CLIP4: variants seen among roughly 807,000 people sequenced by gnomAD.
CLIP4 encodes the protein CAP-Gly domain containing linker protein family member 4.
A neutral mutation model predicts 73.1 loss-of-function variants in CLIP4; 47 were observed. The ratio of observed to expected loss-of-function variants is 0.64; its 90% CI spans 0.51 to 0.82. The LOEUF (loss-of-function observed/expected upper bound fraction) is 0.82. CLIP4 is among the 40% of genes least tolerant of loss of function. CLIP4 has a pLI of 0.00. For missense variants in CLIP4, 874 were observed against 852.9 expected (o/e 1.02, Z -0.31); for synonymous variants, 306 against 295.4 (o/e 1.04, Z -0.37).
chr2:29,163,694 C>G, intron 12 of CLIP4, 137 bp from the exon 13 acceptor site: 2 of 740,788 alleles, frequency 2.7e-6, no homozygotes, highest in South Asian at 3.4e-5. Flanking sequence ...AATTTGAAAT[C>G]TTAATGAGTA....
intron 8 of CLIP4, among the ~76,000 whole-genome samples, chr2:29,148,262 G>C (rs996158307): frequency 6.6e-6 from 1 of 152,196 alleles, no homozygotes; most frequent in South Asian, 2.1e-4. Context: ...CAGAAGCCAA[G>C]GAATTTCTCA....
upstream of CLIP4, among the ~76,000 whole-genome samples, chr2:29,111,274 T>G (rs1195224289): frequency 6.6e-6 from 1 of 152,212 alleles, no homozygotes; most frequent in Non-Finnish European, 1.5e-5. Flanking sequence ...TGCTGGTGGG[T>G]GAAGCAGTGG....
chr2:29,148,096 G>T (rs6547912), intron 8 of CLIP4, among the ~76,000 whole-genome samples: 1 of 151,798 alleles, frequency 6.6e-6, no homozygotes, highest in Non-Finnish European at 1.5e-5. Context: ...GGATACCCCC[G>T]TCCCCTTGTA....
intron 13 of CLIP4, among the ~76,000 whole-genome samples, chr2:29,164,941 T>TGAAA (rs1667509998): frequency 6.6e-6 from 1 of 152,258 alleles, no homozygotes; most frequent in Admixed American, 6.5e-5. Flanking sequence ...TTAAGTGTTG[T>TGAAA]TTCATTTGAT....
intron 14 of CLIP4, among the ~76,000 whole-genome samples, chr2:29,173,277 G>A (rs939027597): frequency 6.6e-6 from 1 of 152,218 alleles, no homozygotes; most frequent in Non-Finnish European, 1.5e-5. Flanking sequence ...ATTCTGAGGG[G>A]AGAAAATTTT....
intron 14 of CLIP4, among the ~76,000 whole-genome samples, chr2:29,168,512 CTTTTTTTTTTTTTTTTTT>C (rs35201336): frequency 1.5e-5 from 1 of 66,776 alleles, no homozygotes; most frequent in Admixed American, 1.7e-4. Context: ...ATGGTTTGCC[CTTTTTTTTTTTTTTTTTT>C]TTTTTTTTTT....
chr2:29,142,916 C>T (rs563762064), intron 6 of CLIP4, among the ~76,000 whole-genome samples: 89 of 152,224 alleles, frequency 5.8e-4, no homozygotes, highest in Non-Finnish European at 1.1e-3. Flanking sequence ...TGCAAATGAC[C>T]GTGGGGTTGT....
intron 2 of CLIP4, among the ~76,000 whole-genome samples, chr2:29,129,860 A>G (rs964759901): frequency 5.3e-5 from 8 of 151,960 alleles, no homozygotes; most frequent in Admixed American, 1.3e-4. Context: ...AAGTTCACCT[A>G]TTTTTTCTTG....
At chr2:29,163,212 A>G (rs1667400299) in intron 12 of CLIP4, among the ~76,000 whole-genome samples, 1 of 152,122 alleles carries the variant, frequency 6.6e-6, no homozygotes, top group African/African-American at 2.4e-5. Context: ...AAATACAAAA[A>G]GTCTTTAAAA....
At chr2:29,102,150 A>G (rs1018217080) in intron 1 of CLIP4, among the ~76,000 whole-genome samples, 1 of 152,106 alleles carries the variant, frequency 6.6e-6, no homozygotes, top group Non-Finnish European at 1.5e-5. Flanking sequence ...CAATGAGGGA[A>G]CTGAATGAAC....
At chr2:29,177,102 G>A (rs1301521891) in intron 15 of CLIP4, among the ~76,000 whole-genome samples, 1 of 152,084 alleles carries the variant, frequency 6.6e-6, no homozygotes, top group East Asian at 1.9e-4. Flanking sequence ...TGCTTTTCAG[G>A]AGTATAAAAA....
upstream of CLIP4, among the ~76,000 whole-genome samples, chr2:29,110,494 G>A (rs551230356): frequency 6.6e-5 from 10 of 152,302 alleles, no homozygotes; most frequent in East Asian, 1.5e-3. Flanking sequence ...ACTCCAGTGA[G>A]CAAAAAGAAG....
intron 9 of CLIP4, among the ~76,000 whole-genome samples, chr2:29,155,287 A>T (rs1666845680): frequency 6.6e-6 from 1 of 152,112 alleles, no homozygotes; most frequent in Non-Finnish European, 1.5e-5. Flanking sequence ...ACAGAACAAG[A>T]CCCTGTTTCT....
chr2:29,180,380 A>G (rs1427917076), intron 15 of CLIP4, among the ~76,000 whole-genome samples: 2 of 152,286 alleles, frequency 1.3e-5, no homozygotes, highest in East Asian at 1.9e-4. Context: ...GGGGAGTCCC[A>G]TGCCTCATTA....
At chr2:29,180,629 A>G (rs1668592436) in intron 15 of CLIP4, among the ~76,000 whole-genome samples, 1 of 152,202 alleles carries the variant, frequency 6.6e-6, no homozygotes, top group South Asian at 2.1e-4. Context: ...TTTGCATATG[A>G]AAAAATATTT....
At chr2:29,173,307 G>C (rs898205353) in intron 14 of CLIP4, among the ~76,000 whole-genome samples, 1 of 152,208 alleles carries the variant, frequency 6.6e-6, no homozygotes, top group African/African-American at 2.4e-5. Context: ...TGAGGATTAA[G>C]GTTGACATAA....
chr2:29,182,643 C>T lies in CLIP4; in HGVS notation c.*750C>T, dbSNP rs1668699050. The T allele has an allele frequency of 1.3e-5, 2 of 152,584 alleles. No homozygotes were observed. Among genetic ancestry groups the T allele is most frequent in the Non-Finnish European group, 1.5e-5 (1 of 68,036 alleles). 9.5% of individuals were successfully genotyped at this position (152,584 alleles called of 1,614,324 possible). On this transcript the variant is annotated 3_prime_UTR_variant, in exon 16 of 16. Coordinates refer to ENST00000320081, the MANE Select transcript of CLIP4 (RefSeq NM_024692.6). ...AAATGTCTAATCTCAGATTTTTCTT[C>T]TGCTGCTTGACTGCTTCATCTGGAT... is the stretch of plus-strand genomic sequence containing the variant.
Position 29,146,387 on chromosome 2 carries a change from G to A in CLIP4, c.1021+1020G>A, listed in dbSNP as rs536508345. Among the ~76,000 whole-genome samples the A allele has an allele frequency of 8.5e-5, 13 of 152,272 alleles. No homozygotes were observed. The South Asian group carries it at 2.5e-3, about 29-fold the overall frequency. On this transcript the variant is annotated intron_variant, in intron 8 of 15. Coordinates refer to ENST00000320081, the MANE Select transcript of CLIP4 (RefSeq NM_024692.6). ...ATCAAGCAAGGCCAACTTTATGACC[G>A]CATTCCTGAGGTTTCTTTGAAACTC... is the stretch of plus-strand genomic sequence containing the variant.
At chr2:29,127,263 C>G (rs894580708) in intron 2 of CLIP4, among the ~76,000 whole-genome samples, 2 of 151,826 alleles carry the variant, frequency 1.3e-5, no homozygotes, top group African/African-American at 4.8e-5. Flanking sequence ...CTTTAAAAAG[C>G]CTTTTCAGTC....
Sources: allele counts gnomAD v4.1 joint callset (sites outside exome capture counted in the v4.1 genomes callset), GRCh38; gene constraint gnomAD v4.1.1; transcripts MANE v1.5; gene names NCBI Gene and HGNC (gene_info 2026-07-23, HGNC 2026-07-21).